Variants in DIDO1 observed in about 807,000 individuals in gnomAD.
The protein encoded by DIDO1 is death-inducer obliterator 1.
Under a neutral mutation model 99.4 loss-of-function variants are expected in DIDO1, and 16 were observed. That is an observed-to-expected ratio of 0.16 (90% CI 0.11 to 0.24). The LOEUF (loss-of-function observed/expected upper bound fraction) is 0.24. Ranked by LOEUF, DIDO1 falls within the 10% of genes least tolerant of loss-of-function variation. DIDO1 has a pLI of 1.00. For missense variants in DIDO1, 2,996 were observed against 3,014.0 expected, an observed-to-expected ratio of 0.99 and a Z score of 0.14; for synonymous variants, 1,366 against 1,239.1, an observed-to-expected ratio of 1.10 and a Z score of -2.15.
intron 1 of DIDO1, among the ~76,000 whole-genome samples, chr20:62,915,349 C>T (rs757225423): frequency 1.3e-5 from 2 of 152,150 alleles, no homozygotes; most frequent in Admixed American, 6.5e-5. Flanking sequence ...ATAAGCCAAA[C>T]GGCATCGTCA....
At chr20:62,889,802 T>G in intron 15 of DIDO1, 1 of 985,420 alleles carries the variant, frequency 1.0e-6, no homozygotes, top group Non-Finnish European at 1.2e-6. Flanking sequence ...TTTTAAAAAT[T>G]TATCTGGCAC....
chr20:62,880,279 T>G lies in DIDO1; in HGVS notation c.5677A>C (p.Arg1893=), dbSNP rs761659644. 4.3e-6 allele frequency: 7 copies of G among 1,612,732 alleles called. No individual in the cohort carries two copies. In the Admixed American group the frequency reaches 8.3e-5, roughly 19 times the overall value. ...TTCAGCTGAGACAGCAGTGGCCTTC[T>G]CTGGCCTCCGAACTGGAAAGGCGCG... The part of the protein sequence containing the change: ...GGAPFQFGGQ[R]RPLLSQLKGP... The change falls in exon 16 of 16, where the codon AGA becomes CGA. Residue 1893 remains arginine (R), a synonymous_variant. Transcript: ENST00000395343.
At position 62,894,823 on chromosome 20, in the gene DIDO1, A is replaced by G. The variant is rs758627999; in HGVS notation, c.2423T>C (p.Val808Ala). The change falls in exon 10 of 16, where the codon GTG (valine) becomes GCG (alanine). Residue 808 changes from valine (V) to alanine (A), a missense_variant. By Grantham distance (64) the Val-to-Ala change is moderately conservative. Around this residue, in one of 5 missense-constraint regions of DIDO1, gnomAD observed 898 missense variants for 972.7 expected, o/e 0.92. Transcript: ENST00000395343. The surrounding 1 kb of genome is among the most constrained non-coding windows in gnomAD (Gnocchi z 4.4). ...AIPDLEDSPPVSDSEEQQESA... is the reference protein window; with the variant it reads ...AIPDLEDSPPASDSEEQQESA... Reference sequence around the variant, plus strand: ...CCAAATGCTTACCTCTGAATCCGACACTGGCGGAGAGTCCTCCAGATCGGG... The same window carrying G: ...CCAAATGCTTACCTCTGAATCCGACGCTGGCGGAGAGTCCTCCAGATCGGG... 15 of 1,612,794 alleles carry G rather than the reference A, an allele frequency of 9.3e-6. No homozygotes were observed. Among genetic ancestry groups the G allele is most frequent in the Non-Finnish European group, 1.2e-5 (14 of 1,179,690 alleles).
upstream of DIDO1, among the ~76,000 whole-genome samples, chr20:62,927,495 C>A (rs1246130969): frequency 2.0e-5 from 3 of 152,190 alleles, no homozygotes; most frequent in African/African-American, 7.2e-5. Flanking sequence ...ACCATGGGCA[C>A]TGGCCACTTG....
Position 62,893,061 on chromosome 20 carries a change from C to G in DIDO1, c.3102-99G>C. ...TTTTTTTTTGAGACAGGATCTCATT[C>G]TGTCATGCAGGCTGGAGTGCGGTGG... On this transcript the variant is annotated intron_variant, in intron 12 of 15. Coordinates refer to ENST00000395343, the MANE Select transcript of DIDO1 (RefSeq NM_001193369.2). 5 of 1,328,562 alleles carry G rather than the reference C, an allele frequency of 3.8e-6. No individual in the cohort carries two copies. The Admixed American group carries it at 1.1e-4, about 31-fold the overall frequency. The allele number at this position is 1,328,562 out of a possible 1,614,324, so 82.3% of individuals were successfully genotyped here.
At chr20:62,924,871 T>C (rs1487482280) in intron 1 of DIDO1, among the ~76,000 whole-genome samples, 1 of 152,184 alleles carries the variant, frequency 6.6e-6, no homozygotes, top group Non-Finnish European at 1.5e-5. Context: ...GGACAGCCTC[T>C]GGTGGAAAGC....
In DIDO1 at chr20:62,896,456, G is replaced by A; in HGVS notation, c.2055-64C>T. The A allele has an allele frequency of 6.3e-7, 1 of 1,589,796 alleles. No individual in the cohort carries two copies. The highest frequency in any genetic ancestry group is 1.2e-5 in the South Asian group (1 of 86,850). On this transcript the variant is annotated intron_variant, in intron 7 of 15. Coordinates refer to ENST00000395343, the MANE Select transcript of DIDO1 (RefSeq NM_001193369.2). This position sits in a 1 kb window ranked among gnomAD's most constrained non-coding sequence, Gnocchi z 4.4. The stretch of plus-strand genomic sequence containing the variant: ...GTGTATATTAAACTTTTTGAACAGT[G>A]AGGCAATCCTGCAGCCACACTCTAA...
rs536914525 is a variant in DIDO1, at chr20:62,879,855, G to A, written c.6101C>T (p.Pro2034Leu). 2.8e-5 allele frequency: 44 copies of A among 1,596,860 alleles called. 1 individual carries two copies. In the South Asian group the frequency reaches 4.1e-4, roughly 15 times the overall value. ...CTCCCAGCGGTCCTTCCGGTGCTGC[G>A]GGGGGTGGCTGGGAAGCTCCAGCAG... ...RPLLELPSHP[P>L]QHRKDRWEEA... The change falls in exon 16 of 16, where the codon CCG becomes CTG. Residue 2034 changes from proline (P) to leucine (L), a missense_variant. Around this residue, in one of 5 missense-constraint regions of DIDO1, gnomAD observed 1,562 missense variants for 1,412.6 expected, o/e 1.11. Coordinates refer to ENST00000395343, the MANE Select transcript of DIDO1 (RefSeq NM_001193369.2). This position sits in a 1 kb window ranked among gnomAD's most constrained non-coding sequence, Gnocchi z 6.3.
rs2064340547 is a variant in DIDO1 at position 62,888,695 on chromosome 20, ACAC to A, written c.3541+2262_3541+2264del. ...GCACATGCACACGCACTACACATTT[ACAC>A]CACAAAGCCAGGACACACATGTACA... On this transcript the variant is annotated intron_variant, in intron 15 of 15. Coordinates refer to ENST00000395343, the MANE Select transcript of DIDO1 (RefSeq NM_001193369.2). 5 of 985,534 alleles carry A rather than the reference ACAC, an allele frequency of 5.1e-6. No individual in the cohort carries two copies. The South Asian group carries it at 2.3e-4, about 46-fold the overall frequency. 61.0% of individuals were successfully genotyped at this position (985,534 alleles called of 1,614,324 possible).
At chr20:62,897,868 C>T (rs542013443) in intron 6 of DIDO1, among the ~76,000 whole-genome samples, 2 of 152,262 alleles carry the variant, frequency 1.3e-5, no homozygotes, top group Admixed American at 6.5e-5. Context: ...CACCGCATGC[C>T]GGGGCAGGGA....
At chr20:62,931,262 C>CT (rs1407613529), upstream of DIDO1, among the ~76,000 whole-genome samples, 3 of 152,156 alleles carry the variant, frequency 2.0e-5, no homozygotes, top group African/African-American at 7.2e-5. Flanking sequence ...ATATCTTCTG[C>CT]TAAGGAGTGA....
At position 62,922,109 on chromosome 20, in the gene DIDO1, T is replaced by TACACACAC. The variant is rs58178322; in HGVS notation, c.-200+4322_-200+4329dup. ...ACACTATATATACACACTATATATA[T>TACACACAC]ACACACACACACACACATATATACA... On this transcript the variant is annotated intron_variant, in intron 1 of 15. Transcript: ENST00000395343. Among the ~76,000 whole-genome samples, 285 of 110,632 alleles carry TACACACAC rather than the reference T, an allele frequency of 2.6e-3. 1 individual carries two copies. In the East Asian group the frequency reaches 0.042, roughly 16 times the overall value. The allele number at this position is 110,632 out of a possible 152,430, so 72.6% of individuals were successfully genotyped here. A position where few individuals can be genotyped will look rare whatever the true frequency, so the allele number is the denominator to read the frequency against.
chr20:62,909,454 G>GT (rs1393462424), intron 4 of DIDO1, among the ~76,000 whole-genome samples: 1 of 152,246 alleles, frequency 6.6e-6, no homozygotes, highest in Non-Finnish European at 1.5e-5. Flanking sequence ...TACAAAGCAT[G>GT]TAAGCAACAC....
Position 62,894,651 on chromosome 20 carries a change from G to A in DIDO1, c.2437-103C>T, listed in dbSNP as rs2064476271. On this transcript the variant is annotated intron_variant, in intron 10 of 15. Coordinates refer to ENST00000395343, the MANE Select transcript of DIDO1 (RefSeq NM_001193369.2). This position sits in a 1 kb window ranked among gnomAD's most constrained non-coding sequence, Gnocchi z 4.4. ...CAGTCTCATGGGATTGAGACCCACG[G>A]GGGAGAAAAAAGGACCATCTAATAC... 2 of 1,479,234 alleles carry A rather than the reference G, an allele frequency of 1.4e-6. No individual in the cohort carries two copies. Among genetic ancestry groups the A allele is most frequent in the South Asian group, 2.6e-5 (2 of 77,840 alleles). The allele number at this position is 1,479,234 out of a possible 1,614,324, so 91.6% of individuals were successfully genotyped here. A position where few individuals can be genotyped will look rare whatever the true frequency, so the allele number is the denominator to read the frequency against.
chr20:62,895,128 A>G lies in DIDO1; in HGVS notation c.2252T>C (p.Leu751Ser). The change falls in exon 9 of 16, where the codon TTG becomes TCG. Residue 751 changes from leucine to serine, a missense_variant. Coordinates refer to ENST00000395343, the MANE Select transcript of DIDO1 (RefSeq NM_001193369.2). The part of the protein sequence containing the change: ...FHRVLREEIS[L>S]AKLVRLKPEE... ...TGGCTTCAGTCTCACAAGTTTCGCCAAAGAGATTTCCTCACGCAGAACACG... is the reference window on the plus strand; with the variant it reads ...TGGCTTCAGTCTCACAAGTTTCGCCGAAGAGATTTCCTCACGCAGAACACG... 2 of 1,612,088 alleles carry G rather than the reference A, an allele frequency of 1.2e-6. No homozygotes were observed. The highest frequency in any genetic ancestry group is 1.7e-6 in the Non-Finnish European group (2 of 1,178,298).
chr20:62,906,024 A>G lies in DIDO1; in HGVS notation c.1451T>C (p.Val484Ala), dbSNP rs1034416559. 6 of 1,613,954 alleles carry G rather than the reference A, an allele frequency of 3.7e-6. No homozygotes were observed. Among genetic ancestry groups the G allele is most frequent in the South Asian group, 2.2e-5 (2 of 91,068 alleles). ...GAGTGCTTCACTCCGCGCAGGGACC[A>G]CCACTGCCTTCTTCACTGTGGTCTC... ...KKETTVKKAV[V>A]VPARSEALGK... Residue 484 changes from valine (V) to alanine (A), a missense_variant, in exon 6 of 16, where the codon GTG (valine) becomes GCG (alanine). Around this residue, in one of 5 missense-constraint regions of DIDO1, gnomAD observed 898 missense variants for 972.7 expected, o/e 0.92. Coordinates refer to ENST00000395343, the MANE Select transcript of DIDO1 (RefSeq NM_001193369.2).
Position 62,890,504 on chromosome 20 carries a change from G to C in DIDO1, c.3541+456C>G, listed in dbSNP as rs183455597. On this transcript the variant is annotated intron_variant, in intron 15 of 15. Coordinates refer to ENST00000395343, the MANE Select transcript of DIDO1 (RefSeq NM_001193369.2). ...TTTAAAATAATTATTTCTAGAAATA[G>C]TTTTCTATGTCATTATTGTTAAGTC... is the stretch of plus-strand genomic sequence containing the variant. The C allele has an allele frequency of 5.0e-6, 5 of 993,388 alleles. No homozygotes were observed. In the East Asian group the frequency reaches 4.4e-4, roughly 87 times the overall value. The allele number at this position is 993,388 out of a possible 1,614,324, so 61.5% of individuals were successfully genotyped here.
upstream of DIDO1, among the ~76,000 whole-genome samples, chr20:62,928,441 C>G (rs1354720895): frequency 6.6e-6 from 1 of 152,182 alleles, no homozygotes; most frequent in Non-Finnish European, 1.5e-5. Flanking sequence ...GAAGCTGGCT[C>G]GGCTGTGGAG....
chr20:62,908,934 A>G (rs1414074959), intron 4 of DIDO1, among the ~76,000 whole-genome samples: 2 of 152,250 alleles, frequency 1.3e-5, no homozygotes, highest in Non-Finnish European at 2.9e-5. Flanking sequence ...TCCCATCTCC[A>G]TTCATCTCTG....
Sources: allele counts gnomAD v4.1 joint callset (sites outside exome capture counted in the v4.1 genomes callset), GRCh38; gene constraint gnomAD v4.1.1; regional missense constraint gnomAD v4.1.1; non-coding constraint Gnocchi (gnomAD v3.1); transcripts MANE v1.5; gene names NCBI Gene and HGNC (gene_info 2026-07-23, HGNC 2026-07-21).